The following PLD5 variants were observed in gnomAD, a reference collection of about 807,000 sequenced individuals.
PLD5 encodes the protein inactive phospholipase D5.
A neutral mutation model predicts 61.1 loss-of-function variants in PLD5; 36 were observed. The observed-to-expected ratio is 0.59, with a 90% CI of 0.45 to 0.78. The LOEUF (loss-of-function observed/expected upper bound fraction) is 0.78. Among genes scored for constraint, PLD5 ranks in the 30% least tolerant of loss-of-function variants. The pLI is 0.00. For synonymous variants in PLD5, 243 were observed against 242.8 expected (o/e 1.00, Z -0.01); for missense variants, 515 against 644.4 (o/e 0.80, Z 2.17).
intron 1 of PLD5, among the ~76,000 whole-genome samples, chr1:242,391,623 G>T (rs1037357200): frequency 6.6e-6 from 1 of 152,180 alleles, no homozygotes; most frequent in Non-Finnish European, 1.5e-5. Context: ...AGTTTCCACA[G>T]GGTTTCCGAG....
chr1:242,391,493 C>T (rs978761114), intron 1 of PLD5, among the ~76,000 whole-genome samples: 1 of 152,034 alleles, frequency 6.6e-6, no homozygotes. Context: ...CAGAGAATTT[C>T]CTTTAGTTTA....
chr1:242,097,893 A>C (rs1461773790), intron 9 of PLD5, among the ~76,000 whole-genome samples: 1 of 152,174 alleles, frequency 6.6e-6, no homozygotes, highest in Non-Finnish European at 1.5e-5. Context: ...TAACATTTAA[A>C]TCTTTAATCC....
intron 2 of PLD5, among the ~76,000 whole-genome samples, chr1:242,319,590 C>T (rs1033118856): frequency 6.6e-6 from 1 of 152,100 alleles, no homozygotes; most frequent in Non-Finnish European, 1.5e-5. Context: ...CACAATTTTC[C>T]CACAAGGGAA....
chr1:242,414,925 G>A (rs189366265), intron 1 of PLD5, among the ~76,000 whole-genome samples: 25 of 152,238 alleles, frequency 1.6e-4, no homozygotes, highest in Non-Finnish European at 2.5e-4. Context: ...GACCAATCAC[G>A]CTATAGAAAA....
At chr1:242,243,177 G>T (rs1316059682) in intron 4 of PLD5, among the ~76,000 whole-genome samples, 1 of 152,228 alleles carries the variant, frequency 6.6e-6, no homozygotes, top group Admixed American at 6.5e-5. Context: ...GCCAGGGCCT[G>T]CTGTGTCTTA....
Position 242,197,103 on chromosome 1 carries a change from A to G in PLD5, c.735+22885T>C, listed in dbSNP as rs1440600790. 5.3e-5 allele frequency among the ~76,000 whole-genome samples: 8 copies of G among 152,078 alleles called. No homozygotes were observed. In the East Asian group the frequency reaches 1.6e-3, roughly 30 times the overall value. On this transcript the variant is annotated intron_variant, in intron 5 of 9. Transcript: ENST00000536534. ...CTCAGTCTTGGGCTTCTTTCAGAGG[A>G]TACGGGACAACGAGGAACCCAGGCC...
chr1:242,490,980 T>C (rs1279680909), intron 1 of PLD5, among the ~76,000 whole-genome samples: 1 of 152,128 alleles, frequency 6.6e-6, no homozygotes, highest in Non-Finnish European at 1.5e-5. Flanking sequence ...CTTTGATGTT[T>C]CCCCCCACAT....
At chr1:242,174,285 G>A (rs1666969513) in intron 5 of PLD5, among the ~76,000 whole-genome samples, 1 of 152,132 alleles carries the variant, frequency 6.6e-6, no homozygotes, top group Admixed American at 6.5e-5. Context: ...GCAGCCAACA[G>A]ACACATGAAA....
chr1:242,241,298 A>G (rs529020922), intron 4 of PLD5, among the ~76,000 whole-genome samples: 2 of 152,280 alleles, frequency 1.3e-5, no homozygotes, highest in East Asian at 3.9e-4. Flanking sequence ...ATGAGTTTTT[A>G]TCATATTGAA....
intron 6 of PLD5, 63 bp downstream of exon 6, chr1:242,124,405 C>A (rs1662621469): frequency 6.6e-7 from 1 of 1,506,938 alleles, no homozygotes; most frequent in South Asian, 1.2e-5. Flanking sequence ...TTAAACATTC[C>A]AACTTAATAA....
intron 1 of PLD5, among the ~76,000 whole-genome samples, chr1:242,467,965 C>T (rs908609965): frequency 6.6e-6 from 1 of 152,048 alleles, no homozygotes; most frequent in East Asian, 1.9e-4. Context: ...CCTACAATCT[C>T]TTGGCAGAAT....
At chr1:242,464,699 A>C (rs1667221125) in intron 1 of PLD5, among the ~76,000 whole-genome samples, 1 of 152,236 alleles carries the variant, frequency 6.6e-6, no homozygotes, top group African/African-American at 2.4e-5. Flanking sequence ...TGAAACAAAC[A>C]TACATTTTCA....
chr1:242,283,093 A>T (rs1434635845), intron 3 of PLD5, among the ~76,000 whole-genome samples: 1 of 152,252 alleles, frequency 6.6e-6, no homozygotes, highest in Admixed American at 6.5e-5. Context: ...CAGATTAAAA[A>T]CACATTTTAA....
intron 4 of PLD5, 61 bp from the exon 5 acceptor site, chr1:242,220,176 C>A: frequency 6.3e-7 from 1 of 1,580,158 alleles, no homozygotes; most frequent in Non-Finnish European, 8.7e-7. Flanking sequence ...GGCTGTCAGT[C>A]ACCTACCAGT....
intron 1 of PLD5, among the ~76,000 whole-genome samples, chr1:242,512,266 A>T (rs1263426782): frequency 6.6e-6 from 1 of 151,854 alleles, no homozygotes; most frequent in Non-Finnish European, 1.5e-5. Context: ...AAAAAAAAAA[A>T]AAAATTAGCC....
chr1:242,456,586 T>C (rs1178533806), intron 1 of PLD5, among the ~76,000 whole-genome samples: 1 of 152,202 alleles, frequency 6.6e-6, no homozygotes, highest in Non-Finnish European at 1.5e-5. Flanking sequence ...GTGTGAGCTG[T>C]CCATGATTGA....
chr1:242,372,938 C>T (rs1324845997), intron 1 of PLD5, among the ~76,000 whole-genome samples: 8 of 152,120 alleles, frequency 5.3e-5, no homozygotes, highest in Admixed American at 3.9e-4. Flanking sequence ...CCAGAATTGA[C>T]AAATGGGATC....
intron 1 of PLD5, chr1:242,376,988 A>T: frequency 6.2e-7 from 1 of 1,611,746 alleles, no homozygotes; most frequent in Non-Finnish European, 8.5e-7. Flanking sequence ...GCATGTGAGT[A>T]TTTGAGGCAG....
At chr1:242,360,978 C>G (rs1355460638) in intron 1 of PLD5, among the ~76,000 whole-genome samples, 1 of 152,018 alleles carries the variant, frequency 6.6e-6, no homozygotes, top group African/African-American at 2.4e-5. Context: ...AATAGAGCAG[C>G]TTGAAAATAC....
Sources: gnomAD v4.1 joint callset for allele counts (sites outside exome capture counted in the v4.1 genomes callset) on GRCh38, gnomAD v4.1.1 for gene constraint, MANE v1.5 for transcripts, NCBI Gene and HGNC (gene_info 2026-07-23, HGNC 2026-07-21) for gene names.